RBMS3: variants seen among roughly 807,000 people sequenced by gnomAD.
RBMS3 encodes RNA-binding motif, single-stranded-interacting protein 3.
Under a neutral mutation model 66.8 loss-of-function variants are expected in RBMS3, and 27 were observed. The observed-to-expected ratio is 0.40, with a 90% confidence interval of 0.30 to 0.56. The LOEUF (loss-of-function observed/expected upper bound fraction) is 0.56. RBMS3 is among the 20% of genes least tolerant of loss of function. The probability of loss-of-function intolerance (pLI) is 0.40; values close to 1 mark genes in which losing one functional copy is unlikely to be tolerated. For missense variants in RBMS3, 513 were observed against 549.5 expected, an observed-to-expected ratio of 0.93 and a Z score of 0.66; for synonymous variants, 188 against 183.0, an observed-to-expected ratio of 1.03 and a Z score of -0.22.
intron 3 of RBMS3, among the ~76,000 whole-genome samples, chr3:29,520,624 A>G (rs2044819444): frequency 6.6e-6 from 1 of 152,204 alleles, no homozygotes; most frequent in Non-Finnish European, 1.5e-5. Flanking sequence ...ATATAGTTTA[A>G]TAAACACGTA....
intron 6 of RBMS3, among the ~76,000 whole-genome samples, chr3:29,835,935 GA>G (rs1414326917): frequency 6.6e-6 from 1 of 151,678 alleles, no homozygotes; most frequent in East Asian, 1.9e-4. Context: ...TAAAAGAGGA[GA>G]AATTAGAACA....
intron 2 of RBMS3, among the ~76,000 whole-genome samples, chr3:29,450,217 T>C (rs1250638606): frequency 6.6e-6 from 1 of 152,108 alleles, no homozygotes; most frequent in Admixed American, 6.6e-5. Flanking sequence ...AGACATCCAT[T>C]GGGTCAGGGA....
At chr3:29,560,668 A>T (rs2046518150) in intron 3 of RBMS3, among the ~76,000 whole-genome samples, 1 of 152,282 alleles carries the variant, frequency 6.6e-6, no homozygotes, top group Non-Finnish European at 1.5e-5. Flanking sequence ...ATTTTGAAAG[A>T]GAAGAAGAAT....
chr3:29,880,397 A>G (rs1577059829), intron 7 of RBMS3, among the ~76,000 whole-genome samples: 4 of 152,224 alleles, frequency 2.6e-5, no homozygotes, highest in Admixed American at 2.6e-4. Context: ...GTTCCAAGGT[A>G]TTTTACTTTT....
intron 6 of RBMS3, among the ~76,000 whole-genome samples, chr3:29,817,230 C>T (rs927746316): frequency 1.5e-4 from 21 of 143,346 alleles, no homozygotes; most frequent in African/African-American, 5.1e-4. Context: ...CTCTGTCACC[C>T]AGGCTGGAGT....
chr3:29,605,464 C>T (rs1340034415), intron 4 of RBMS3, among the ~76,000 whole-genome samples: 1 of 151,732 alleles, frequency 6.6e-6, no homozygotes, highest in African/African-American at 2.4e-5. Context: ...CTCTTAATAT[C>T]GATGATCCCA....
intron 3 of RBMS3, among the ~76,000 whole-genome samples, chr3:29,521,334 A>G (rs1420645040): frequency 6.6e-6 from 1 of 152,120 alleles, no homozygotes; most frequent in Non-Finnish European, 1.5e-5. Context: ...GTTACTTAAT[A>G]TTTTGTTGAC....
At chr3:29,967,946 G>T (rs750027643) in intron 12 of RBMS3, among the ~76,000 whole-genome samples, 1 of 151,838 alleles carries the variant, frequency 6.6e-6, no homozygotes, top group African/African-American at 2.4e-5. Context: ...GTGTATTTTT[G>T]TGTTTTGTTT....
At chr3:29,691,949 ATT>A (rs1294126975) in intron 4 of RBMS3, among the ~76,000 whole-genome samples, 7 of 64,984 alleles carry the variant, frequency 1.1e-4, no homozygotes, top group African/African-American at 1.2e-4. Flanking sequence ...CTCTCTCTCT[ATT>A]TTTTTTTTTT....
chr3:29,666,755 A>G (rs1189325434), intron 4 of RBMS3, among the ~76,000 whole-genome samples: 1 of 152,176 alleles, frequency 6.6e-6, no homozygotes, highest in Non-Finnish European at 1.5e-5. Context: ...AATCTGCCAA[A>G]AATATTTAAT....
At chr3:29,723,963 A>G (rs1014322913) in intron 4 of RBMS3, among the ~76,000 whole-genome samples, 5 of 152,090 alleles carry the variant, frequency 3.3e-5, no homozygotes, top group African/African-American at 9.7e-5. Context: ...TCTTCGGTGT[A>G]ATAGCTTTGG....
intron 6 of RBMS3, among the ~76,000 whole-genome samples, chr3:29,771,885 A>G (rs1167448780): frequency 1.3e-5 from 2 of 152,036 alleles, no homozygotes; most frequent in Non-Finnish European, 2.9e-5. Context: ...CGAGAATAGC[A>G]GGGAGGAAAT....
intron 11 of RBMS3, among the ~76,000 whole-genome samples, chr3:29,939,237 CT>C (rs1173129485): frequency 6.6e-6 from 1 of 151,930 alleles, no homozygotes; most frequent in African/African-American, 2.4e-5. Context: ...AACAAAAACC[CT>C]TGGAAATATA....
intron 6 of RBMS3, among the ~76,000 whole-genome samples, chr3:29,865,919 C>T (rs1040943348): frequency 6.6e-6 from 1 of 151,830 alleles, no homozygotes; most frequent in Non-Finnish European, 1.5e-5. Flanking sequence ...GTGTGTGACC[C>T]GTAGCGAGCC....
chr3:29,434,633 G>C, intron 1 of RBMS3, 110 bp from the exon 2 acceptor site: 1 of 1,394,050 alleles, frequency 7.2e-7, no homozygotes, highest in East Asian at 2.3e-5. Context: ...GTGTATGTAC[G>C]TGTGTGTATT....
chr3:29,791,661 C>CTCCTCTAT (rs2057017597), intron 6 of RBMS3, among the ~76,000 whole-genome samples: 1 of 152,134 alleles, frequency 6.6e-6, no homozygotes, highest in African/African-American at 2.4e-5. Context: ...GACTAAAACT[C>CTCCTCTAT]TCCTCTATCC....
chr3:29,595,017 C>G (rs1196248527), intron 4 of RBMS3, among the ~76,000 whole-genome samples: 3 of 152,144 alleles, frequency 2.0e-5, no homozygotes, highest in African/African-American at 7.2e-5. Flanking sequence ...AAAAGAATTG[C>G]CTCAGTGTCT....
intron 6 of RBMS3, among the ~76,000 whole-genome samples, chr3:29,852,543 T>A (rs1340400050): frequency 6.6e-6 from 1 of 152,068 alleles, no homozygotes; most frequent in Non-Finnish European, 1.5e-5. Context: ...ATCTAGCCAA[T>A]TCAAACATAT....
At chr3:29,752,999 C>T (rs2055249410) in intron 5 of RBMS3, among the ~76,000 whole-genome samples, 1 of 152,132 alleles carries the variant, frequency 6.6e-6, no homozygotes, top group South Asian at 2.1e-4. Context: ...GGGAGATGCT[C>T]CTACAAATGG....
Sources: allele counts gnomAD v4.1 joint callset (sites outside exome capture counted in the v4.1 genomes callset), GRCh38; gene constraint gnomAD v4.1.1; transcripts MANE v1.5; gene names NCBI Gene and HGNC (gene_info 2026-07-23, HGNC 2026-07-21).